Variants in GPC6 observed in about 807,000 individuals in gnomAD.
GPC6 encodes glypican-6.
In GPC6, 14 loss-of-function variants were observed where a neutral mutation model predicts 55.2. That is an observed-to-expected ratio of 0.25 (90% CI 0.17 to 0.40). GPC6 has a LOEUF of 0.40. Ranked by LOEUF, GPC6 falls within the 10% of genes least tolerant of loss-of-function variation. The probability of loss-of-function intolerance (pLI) is 1.00; values close to 1 mark genes in which losing one functional copy is unlikely to be tolerated. For synonymous variants in GPC6, 278 were observed against 259.6 expected (o/e 1.07, Z -0.68); for missense variants, 641 against 708.5 (o/e 0.90, Z 1.08).
chr13:93,990,928 C>T (rs1382314657), intron 3 of GPC6, among the ~76,000 whole-genome samples: 14 of 131,480 alleles, frequency 1.1e-4, no homozygotes, highest in East Asian at 2.1e-4. Flanking sequence ...GAAAAAAAAG[C>T]GGGAGGGAGG....
At chr13:93,634,491 C>T (rs908968374) in intron 2 of GPC6, among the ~76,000 whole-genome samples, 9 of 152,142 alleles carry the variant, frequency 5.9e-5, no homozygotes, top group South Asian at 2.1e-4. Flanking sequence ...CCCTATTAAA[C>T]GGTGGTTTAA....
intron 1 of GPC6, among the ~76,000 whole-genome samples, chr13:93,443,585 G>C (rs1158759184): frequency 6.6e-6 from 1 of 152,158 alleles, no homozygotes; most frequent in African/African-American, 2.4e-5. Context: ...TTTAATGGAA[G>C]TCAGACTTGG....
chr13:93,753,371 T>C (rs1258630016), intron 2 of GPC6, among the ~76,000 whole-genome samples: 1 of 152,230 alleles, frequency 6.6e-6, no homozygotes, highest in Non-Finnish European at 1.5e-5. Flanking sequence ...GATATCATGC[T>C]TATCTACAGT....
At chr13:93,536,638 G>C (rs1301485308) in intron 1 of GPC6, among the ~76,000 whole-genome samples, 1 of 152,104 alleles carries the variant, frequency 6.6e-6, no homozygotes, top group Non-Finnish European at 1.5e-5. Context: ...GGGCATTTTG[G>C]TTGTTTCAAC....
chr13:93,256,682 G>C (rs1876964334), intron 1 of GPC6, among the ~76,000 whole-genome samples: 1 of 152,094 alleles, frequency 6.6e-6, no homozygotes, highest in Non-Finnish European at 1.5e-5. Context: ...TATGTTCTCT[G>C]TTATGAAAAA....
intron 2 of GPC6, among the ~76,000 whole-genome samples, chr13:93,589,311 T>G (rs2139504337): frequency 6.6e-6 from 1 of 152,292 alleles, no homozygotes; most frequent in Non-Finnish European, 1.5e-5. Flanking sequence ...ATTGAAAGAA[T>G]TTTGCACTGA....
At chr13:94,261,326 G>T (rs923444126) in intron 4 of GPC6, among the ~76,000 whole-genome samples, 2 of 152,126 alleles carry the variant, frequency 1.3e-5, no homozygotes, top group Admixed American at 6.5e-5. Context: ...AATGGTTTGG[G>T]CAACAGGGTA....
intron 3 of GPC6, among the ~76,000 whole-genome samples, chr13:94,022,408 G>A (rs1441966578): frequency 1.3e-5 from 2 of 151,906 alleles, no homozygotes; most frequent in East Asian, 3.9e-4. Flanking sequence ...TGTTGTGGCA[G>A]ATGGCAGGAA....
chr13:93,386,751 G>A (rs1355635811), intron 1 of GPC6, among the ~76,000 whole-genome samples: 2 of 152,108 alleles, frequency 1.3e-5, no homozygotes, highest in Non-Finnish European at 2.9e-5. Flanking sequence ...CACATTTTTG[G>A]AGACCAGAAA....
At chr13:94,339,596 G>A (rs1189976784) in intron 6 of GPC6, among the ~76,000 whole-genome samples, 2 of 152,122 alleles carry the variant, frequency 1.3e-5, no homozygotes, top group Non-Finnish European at 2.9e-5. Flanking sequence ...AAGATCAAGG[G>A]TGGAAGGGGG....
chr13:93,952,266 C>T (rs1036591584), intron 3 of GPC6, among the ~76,000 whole-genome samples: 1 of 151,964 alleles, frequency 6.6e-6, no homozygotes, highest in Non-Finnish European at 1.5e-5. Flanking sequence ...GGCTTTTATA[C>T]CCATTTTCAA....
At chr13:94,123,048 A>G (rs1453792582) in intron 4 of GPC6, among the ~76,000 whole-genome samples, 1 of 152,156 alleles carries the variant, frequency 6.6e-6, no homozygotes, top group Non-Finnish European at 1.5e-5. Context: ...ACCCAGTTTA[A>G]AAAATCATTT....
chr13:93,659,912 G>GTA (rs1050855880), intron 2 of GPC6, among the ~76,000 whole-genome samples: 2 of 151,916 alleles, frequency 1.3e-5, no homozygotes, highest in African/African-American at 2.4e-5. Flanking sequence ...ATATGTGTGT[G>GTA]TATATATATG....
At chr13:93,988,170 G>A (rs1881120728) in intron 3 of GPC6, among the ~76,000 whole-genome samples, 1 of 152,156 alleles carries the variant, frequency 6.6e-6, no homozygotes, top group Admixed American at 6.6e-5. Flanking sequence ...CATGTTTGGG[G>A]CTTGGGAATT....
intron 3 of GPC6, among the ~76,000 whole-genome samples, chr13:93,878,949 A>G (rs1031750077): frequency 4.6e-5 from 7 of 152,164 alleles, no homozygotes; most frequent in Non-Finnish European, 7.4e-5. Context: ...AAGCAAAAAC[A>G]GTGTTCAAAG....
At chr13:93,314,922 T>C (rs946841637) in intron 1 of GPC6, among the ~76,000 whole-genome samples, 4 of 152,122 alleles carry the variant, frequency 2.6e-5, no homozygotes, top group Non-Finnish European at 5.9e-5. Context: ...TGTTTTTTGG[T>C]AACTCAGTTC....
intron 1 of GPC6, among the ~76,000 whole-genome samples, chr13:93,495,497 A>G (rs1463313125): frequency 7.4e-6 from 1 of 136,028 alleles, no homozygotes; most frequent in African/African-American, 2.8e-5. Context: ...GAGTAATTTG[A>G]TCGTCTGAAG....
At chr13:93,730,975 A>G (rs1883800182) in intron 2 of GPC6, among the ~76,000 whole-genome samples, 1 of 152,164 alleles carries the variant, frequency 6.6e-6, no homozygotes, top group African/African-American at 2.4e-5. Context: ...TGATATGTTG[A>G]CAGCATTCCT....
At chr13:93,894,514 G>T (rs1201148199) in intron 3 of GPC6, among the ~76,000 whole-genome samples, 1 of 152,040 alleles carries the variant, frequency 6.6e-6, no homozygotes, top group African/African-American at 2.4e-5. Context: ...AAGCATGTAA[G>T]AAAAATAAAT....
Sources: gnomAD v4.1 joint callset for allele counts (sites outside exome capture counted in the v4.1 genomes callset) on GRCh38, gnomAD v4.1.1 for gene constraint, MANE v1.5 for transcripts, NCBI Gene and HGNC (gene_info 2026-07-23, HGNC 2026-07-21) for gene names.